DYM: variants seen among roughly 807,000 people sequenced by gnomAD.
DYM encodes dymeclin.
Under a neutral mutation model 93.1 loss-of-function variants are expected in DYM, and 78 were observed. The observed-to-expected ratio is 0.84, with a 90% confidence interval of 0.70 to 1.01. The LOEUF (loss-of-function observed/expected upper bound fraction) is 1.01, where lower values mean the gene tolerates loss of function less well. Ranked by LOEUF, DYM falls within the 50% of genes least tolerant of loss-of-function variation. The probability of loss-of-function intolerance (pLI) is 0.00; values close to 1 mark genes in which losing one functional copy is unlikely to be tolerated. For synonymous variants in DYM, 321 were observed against 319.7 expected (o/e 1.00, Z -0.04); for missense variants, 789 against 845.0 (o/e 0.93, Z 0.82).
At chr18:49,114,566 A>G (rs2081752361) in intron 16 of DYM, 13 of 985,230 alleles carry the variant, frequency 1.3e-5, no homozygotes, top group African/African-American at 3.5e-5. Context: ...CCAAAGGAGA[A>G]TGTGTTTCAA....
intron 17 of DYM, among the ~76,000 whole-genome samples, chr18:49,058,325 T>TA (rs1261732586): frequency 6.6e-6 from 1 of 151,622 alleles, no homozygotes; most frequent in African/African-American, 2.4e-5. Context: ...CTTCTTTTTT[T>TA]TTTTTTTCCT....
intron 8 of DYM, among the ~76,000 whole-genome samples, chr18:49,308,138 A>T (rs1265806447): frequency 6.6e-6 from 1 of 152,202 alleles, no homozygotes; most frequent in Non-Finnish European, 1.5e-5. Flanking sequence ...AGGAACAAAA[A>T]CTGAAAAAGA....
intron 8 of DYM, among the ~76,000 whole-genome samples, chr18:49,325,189 A>G (rs936203287): frequency 1.3e-5 from 2 of 152,178 alleles, no homozygotes; most frequent in Non-Finnish European, 2.9e-5. Flanking sequence ...TCCTGTGGGT[A>G]AGTCCTAAAA....
chr18:49,120,476 C>A (rs1014316675), intron 15 of DYM, among the ~76,000 whole-genome samples: 2 of 152,088 alleles, frequency 1.3e-5, no homozygotes, highest in Non-Finnish European at 2.9e-5. Flanking sequence ...CCCCCTGCCT[C>A]GGAAATACCA....
chr18:49,228,104 TGTTGA>T (rs2093591487), intron 13 of DYM, among the ~76,000 whole-genome samples: 1 of 152,198 alleles, frequency 6.6e-6, no homozygotes, highest in Non-Finnish European at 1.5e-5. Flanking sequence ...TGAGGGCAGA[TGTTGA>T]GTTTTTATTT....
chr18:49,153,353 A>AG (rs2086028796), intron 15 of DYM, among the ~76,000 whole-genome samples: 1 of 152,224 alleles, frequency 6.6e-6, no homozygotes, highest in African/African-American at 2.4e-5. Context: ...CAGTTGTGCT[A>AG]GGGATGTTCA....
rs146682459 is a variant in DYM, at chr18:49,073,161, C to G, written c.2025+24241G>C. On this transcript the variant is annotated intron_variant, in intron 17 of 17. Transcript: ENST00000675505. ...CCTCAAAGTATTGAAACAAGTTCAT[C>G]TGAAATGTGAATAGCCTCATTCGTC... Among the ~76,000 whole-genome samples the G allele has an allele frequency of 2.5e-3, 376 of 152,314 alleles. 9 individuals carry two copies. Among genetic ancestry groups the G allele is most frequent in the Admixed American group, 0.022 (331 of 15,302 alleles).
At chr18:49,261,117 G>A (rs1445421141) in intron 11 of DYM, among the ~76,000 whole-genome samples, 2 of 152,006 alleles carry the variant, frequency 1.3e-5, no homozygotes, top group Non-Finnish European at 2.9e-5. Flanking sequence ...GAATGAGAAG[G>A]GAGTACAGAA....
At chr18:49,315,521 C>A (rs1020784025) in intron 8 of DYM, among the ~76,000 whole-genome samples, 2 of 152,132 alleles carry the variant, frequency 1.3e-5, no homozygotes, top group African/African-American at 2.4e-5. Context: ...CTCTTTCCAC[C>A]TATCTTTGCC....
chr18:49,221,508 A>C (rs2093356251), intron 13 of DYM, among the ~76,000 whole-genome samples: 1 of 152,170 alleles, frequency 6.6e-6, no homozygotes, highest in South Asian at 2.1e-4. Flanking sequence ...AACCAAGCCA[A>C]ATGTCCAACA....
intron 10 of DYM, among the ~76,000 whole-genome samples, chr18:49,274,567 G>C (rs753785224): frequency 3.3e-5 from 5 of 152,096 alleles, no homozygotes; most frequent in Admixed American, 6.6e-5. Flanking sequence ...CTACCAGACT[G>C]TTTCAAAGCC....
At position 49,393,102 on chromosome 18, in the gene DYM, A is replaced by AGG. The variant is rs2069573385; in HGVS notation, c.141-1458_141-1457insCC. 9.3e-3 allele frequency among the ~76,000 whole-genome samples: 22 copies of AGG among 2,362 alleles called. 1 individual carries two copies. Among genetic ancestry groups the AGG allele is most frequent in the Admixed American group, 0.021 (5 of 238 alleles). The allele number at this position is 2,362 out of a possible 152,430, so 1.5% of individuals were successfully genotyped here. On this transcript the variant is annotated intron_variant, in intron 2 of 17. Transcript: ENST00000675505. ...AAAGAAGGGAGGGAGGGAAGGAAGGAAGGAAGGAAGGAAGGAAGGAAGGAA... is the reference window on the plus strand; with the variant it reads ...AAAGAAGGGAGGGAGGGAAGGAAGGAGGAGGAAGGAAGGAAGGAAGGAAGGAA...
At chr18:49,399,464 G>T (rs369492301) in intron 2 of DYM, among the ~76,000 whole-genome samples, 60 of 152,194 alleles carry the variant, frequency 3.9e-4, no homozygotes, top group African/African-American at 1.4e-3. Flanking sequence ...TTTGTTTTGG[G>T]TATAAACAAA....
At chr18:49,370,283 A>AC (rs1280582471) in intron 5 of DYM, among the ~76,000 whole-genome samples, 2 of 126,764 alleles carry the variant, frequency 1.6e-5, no homozygotes, top group African/African-American at 5.2e-5. Flanking sequence ...CATCTCAGAA[A>AC]AAAAAAAAAA....
intron 15 of DYM, among the ~76,000 whole-genome samples, chr18:49,154,304 T>C (rs2086139926): frequency 6.6e-6 from 1 of 152,208 alleles, no homozygotes; most frequent in African/African-American, 2.4e-5. Flanking sequence ...AACAGTAATG[T>C]ACCAGTATTA....
intron 16 of DYM, among the ~76,000 whole-genome samples, chr18:49,108,371 C>G (rs1040260291): frequency 6.6e-6 from 1 of 152,248 alleles, no homozygotes; most frequent in Admixed American, 6.5e-5. Flanking sequence ...GGCAATGCCT[C>G]GCCCTGCTTC....
chr18:49,119,014 T>C, intron 15 of DYM, 88 bp from the exon 16 acceptor site: 4 of 1,068,590 alleles, frequency 3.7e-6, no homozygotes, highest in East Asian at 2.5e-5. Flanking sequence ...CCCTCAAAAT[T>C]ATAACAGCAT....
At chr18:49,265,507 A>G (rs956244901) in intron 11 of DYM, among the ~76,000 whole-genome samples, 1 of 152,212 alleles carries the variant, frequency 6.6e-6, no homozygotes, top group African/African-American at 2.4e-5. Context: ...GGCCAGGCAC[A>G]GTGGCTCACG....
chr18:49,086,720 C>T lies in DYM; in HGVS notation c.2025+10682G>A, dbSNP rs555288459. ...AAAAGAGAGACTGCAGGGCTGGGCG[C>T]GGTGGCTCTGTAATCCCAGCACTTT... On this transcript the variant is annotated intron_variant, in intron 17 of 17. Coordinates refer to ENST00000675505, the MANE Select transcript of DYM (RefSeq NM_001353214.3). Among the ~76,000 whole-genome samples the T allele has an allele frequency of 8.2e-4, 124 of 152,086 alleles. No individual in the cohort carries two copies. The South Asian group carries it at 0.016, about 20-fold the overall frequency.
Sources: allele counts gnomAD v4.1 joint callset (sites outside exome capture counted in the v4.1 genomes callset), GRCh38; gene constraint gnomAD v4.1.1; transcripts MANE v1.5; gene names NCBI Gene and HGNC (gene_info 2026-07-23, HGNC 2026-07-21).